The following ZBTB7C variants were observed in gnomAD, a reference collection of about 807,000 sequenced individuals.
The protein encoded by ZBTB7C is zinc finger and BTB domain-containing protein 7C.
In ZBTB7C, 8 loss-of-function variants were observed where a neutral mutation model predicts 25.7. The observed-to-expected ratio is 0.31, with a 90% CI of 0.18 to 0.56. The LOEUF is 0.56. ZBTB7C is among the 20% of genes least tolerant of loss of function. The probability of loss-of-function intolerance (pLI) is 0.91; values close to 1 mark genes in which losing one functional copy is unlikely to be tolerated. For synonymous variants in ZBTB7C, 394 were observed against 369.0 expected, an observed-to-expected ratio of 1.07 and a Z score of -0.78; for missense variants, 824 against 855.2, an observed-to-expected ratio of 0.96 and a Z score of 0.46.
At chr18:48,030,189 C>T (rs2035683447) in intron 4 of ZBTB7C, among the ~76,000 whole-genome samples, 1 of 152,208 alleles carries the variant, frequency 6.6e-6, no homozygotes, top group Admixed American at 6.5e-5. Flanking sequence ...GAAACTCCCA[C>T]TCTATTAGGG....
intron 3 of ZBTB7C, among the ~76,000 whole-genome samples, chr18:48,087,282 C>T (rs1568207473): frequency 6.6e-6 from 1 of 152,202 alleles, no homozygotes; most frequent in Non-Finnish European, 1.5e-5. Flanking sequence ...TGTCTCATGA[C>T]AAGTAAGACA....
intron 3 of ZBTB7C, among the ~76,000 whole-genome samples, chr18:48,098,687 G>C (rs563663449): frequency 1.6e-4 from 25 of 152,282 alleles, no homozygotes; most frequent in Admixed American, 5.2e-4. Flanking sequence ...GCCTGTGATC[G>C]GGCATAAACC....
At chr18:48,116,365 C>T (rs1028038241) in intron 3 of ZBTB7C, among the ~76,000 whole-genome samples, 1 of 152,226 alleles carries the variant, frequency 6.6e-6, no homozygotes, top group Non-Finnish European at 1.5e-5. Flanking sequence ...TGTGCTTGCT[C>T]AATGAATAGA....
At chr18:48,323,144 T>A (rs2046137832) in intron 2 of ZBTB7C, among the ~76,000 whole-genome samples, 1 of 152,062 alleles carries the variant, frequency 6.6e-6, no homozygotes, top group African/African-American at 2.4e-5. Context: ...CTAAGGAACA[T>A]ACTTATTTAA....
chr18:48,308,052 T>G (rs2045718360), intron 2 of ZBTB7C, among the ~76,000 whole-genome samples: 6 of 152,196 alleles, frequency 3.9e-5, no homozygotes, highest in Admixed American at 2.0e-4. Context: ...CTTTTCTAAG[T>G]TGGACTTTTG....
intron 2 of ZBTB7C, among the ~76,000 whole-genome samples, chr18:48,264,746 G>A (rs1290049691): frequency 6.6e-6 from 1 of 152,150 alleles, no homozygotes; most frequent in African/African-American, 2.4e-5. Context: ...ACATGTTCAT[G>A]TGGTGGACAC....
chr18:48,221,335 G>C (rs1307037326), intron 2 of ZBTB7C, among the ~76,000 whole-genome samples: 2 of 127,868 alleles, frequency 1.6e-5, no homozygotes, highest in African/African-American at 6.1e-5. Flanking sequence ...TCTCCTCTAT[G>C]CTGTCCTAGT....
intron 3 of ZBTB7C, among the ~76,000 whole-genome samples, chr18:48,089,027 T>C (rs1362560506): frequency 1.3e-5 from 2 of 152,102 alleles, no homozygotes; most frequent in Non-Finnish European, 2.9e-5. Flanking sequence ...GCAGTGTGCA[T>C]GCACCCTCCC....
At chr18:48,100,860 C>T (rs2038804345) in intron 3 of ZBTB7C, among the ~76,000 whole-genome samples, 1 of 151,874 alleles carries the variant, frequency 6.6e-6, no homozygotes, top group Non-Finnish European at 1.5e-5. Flanking sequence ...ATGAGCCTCT[C>T]TGGGAACCTA....
intron 1 of ZBTB7C, among the ~76,000 whole-genome samples, chr18:48,352,825 G>C (rs2046895105): frequency 6.6e-6 from 1 of 152,120 alleles, no homozygotes; most frequent in South Asian, 2.1e-4. Flanking sequence ...AGGCGCAGGG[G>C]GTAGCTCTGT....
At chr18:48,045,545 C>A (rs2144201080) in intron 3 of ZBTB7C, among the ~76,000 whole-genome samples, 1 of 152,320 alleles carries the variant, frequency 6.6e-6, no homozygotes, top group East Asian at 1.9e-4. Flanking sequence ...AATCCCTAAA[C>A]ACACACCCTG....
chr18:48,390,524 G>A lies in ZBTB7C; in HGVS notation c.-304+18702C>T, dbSNP rs183435475. ...GCCTCCCACTGTCATGCCCAGTCAC[G>A]GTCCCAAGAGGTAACACTTGGAGCC... is the stretch of plus-strand genomic sequence containing the variant. On this transcript the variant is annotated intron_variant, in intron 1 of 4. Coordinates refer to ENST00000590800, the MANE Select transcript of ZBTB7C (RefSeq NM_001318841.2). Among the ~76,000 whole-genome samples, 208 of 152,260 alleles carry A rather than the reference G, an allele frequency of 1.4e-3. 1 individual carries two copies. Among genetic ancestry groups the A allele is most frequent in the Non-Finnish European group, 2.3e-3 (156 of 68,022 alleles).
chr18:48,291,549 A>G (rs1264318242), intron 2 of ZBTB7C, among the ~76,000 whole-genome samples: 1 of 152,132 alleles, frequency 6.6e-6, no homozygotes, highest in African/African-American at 2.4e-5. Context: ...CTGCGTATCC[A>G]CCGGGACAGG....
In ZBTB7C at chr18:48,324,180, C is replaced by T. The variant is rs2046162530; in HGVS notation, c.-79+13994G>A. 2.0e-5 allele frequency among the ~76,000 whole-genome samples: 3 copies of T among 152,196 alleles called. No homozygotes were observed. In the South Asian group the frequency reaches 6.2e-4, roughly 32 times the overall value. On this transcript the variant is annotated intron_variant, in intron 2 of 4. Transcript: ENST00000590800. Reference sequence around the variant, plus strand: ...CTCTCAGTCTATGATATTGTTACCACAGCCCAAATGGACTAAGAAGCATGT... The same window carrying T: ...CTCTCAGTCTATGATATTGTTACCATAGCCCAAATGGACTAAGAAGCATGT...
Position 48,329,787 on chromosome 18 carries a change from G to A in ZBTB7C, c.-79+8387C>T, listed in dbSNP as rs192298461. The stretch of plus-strand genomic sequence containing the variant: ...ATAGATAAGGAAGCTGAGGCTCAGT[G>A]CATCTCGCCCCATGTCTTATTATTC... On this transcript the variant is annotated intron_variant, in intron 2 of 4. Coordinates refer to ENST00000590800, the MANE Select transcript of ZBTB7C (RefSeq NM_001318841.2). Among the ~76,000 whole-genome samples, 33 of 152,304 alleles carry A rather than the reference G, an allele frequency of 2.2e-4. No individual in the cohort carries two copies. The East Asian group carries it at 4.4e-3, about 20-fold the overall frequency.
intron 3 of ZBTB7C, among the ~76,000 whole-genome samples, chr18:48,151,790 G>A (rs1019578060): frequency 8.5e-5 from 13 of 152,262 alleles, no homozygotes; most frequent in African/African-American, 2.6e-4. Context: ...CATGCTTTTC[G>A]TGGTTTCTCT....
chr18:48,255,966 A>C (rs72907425), intron 2 of ZBTB7C, among the ~76,000 whole-genome samples: 112 of 152,318 alleles, frequency 7.4e-4, no homozygotes, highest in Middle Eastern at 6.8e-3. Context: ...ACACATAGAG[A>C]AAAAAGAATT....
chr18:48,334,865 C>T (rs1272888329), intron 2 of ZBTB7C, among the ~76,000 whole-genome samples: 1 of 152,106 alleles, frequency 6.6e-6, no homozygotes, highest in Admixed American at 6.5e-5. Flanking sequence ...GAGAAGGATC[C>T]CTGGGTTGGA....
intron 2 of ZBTB7C, among the ~76,000 whole-genome samples, chr18:48,286,611 C>T (rs1461319540): frequency 6.6e-6 from 1 of 152,018 alleles, no homozygotes; most frequent in African/African-American, 2.4e-5. Context: ...AGAAATGGGC[C>T]AACACAGTAT....
Sources: gnomAD v4.1 joint callset for allele counts (sites outside exome capture counted in the v4.1 genomes callset) on GRCh38, gnomAD v4.1.1 for gene constraint, MANE v1.5 for transcripts, NCBI Gene and HGNC (gene_info 2026-07-23, HGNC 2026-07-21) for gene names.